Variants in RGS8 observed in about 807,000 individuals in gnomAD.
RGS8 encodes the protein regulator of G-protein signaling 8.
In RGS8, 8 loss-of-function variants were observed where a neutral mutation model predicts 21.7. The ratio of observed to expected loss-of-function variants is 0.37; its 90% CI spans 0.22 to 0.66. The LOEUF is 0.66. Among genes scored for constraint, RGS8 ranks in the 30% least tolerant of loss-of-function variants. The pLI is 0.59. For missense variants in RGS8, 157 were observed against 217.9 expected (o/e 0.72, Z 1.76); for synonymous variants, 80 against 83.6 (o/e 0.96, Z 0.24).
At chr1:182,714,278 G>A in the RGS8 span, 1 of 152,040 alleles carries the variant, frequency 6.6e-6, no homozygotes, top group African/African-American at 2.4e-5. Flanking sequence ...AAATATATTT[G>A]TGTATTTATG....
chr1:182,675,546 TCCTG>T (rs948119435), upstream of RGS8, among the ~76,000 whole-genome samples: 6 of 152,198 alleles, frequency 3.9e-5, no homozygotes, highest in Non-Finnish European at 8.8e-5. Flanking sequence ...CACCTCCTTG[TCCTG>T]CCTGACAATG....
At chr1:182,703,308 T>G in the RGS8 span, among the ~76,000 whole-genome samples, 9 of 152,162 alleles carry the variant, frequency 5.9e-5, no homozygotes, top group Admixed American at 5.9e-4. Context: ...CTGGGAAAAT[T>G]GTGTTATCTC....
the RGS8 span, among the ~76,000 whole-genome samples, chr1:182,716,126 G>GTT: frequency 1.4e-5 from 2 of 146,174 alleles, no homozygotes; most frequent in African/African-American, 2.5e-5. Flanking sequence ...CTGTTTTTTG[G>GTT]TTTTTTTTTT....
At chr1:182,719,168 G>C in the RGS8 span, among the ~76,000 whole-genome samples, 1 of 152,178 alleles carries the variant, frequency 6.6e-6, no homozygotes, top group African/African-American at 2.4e-5. Flanking sequence ...TATGCACAAA[G>C]GCCAGGAGTT....
the RGS8 span, among the ~76,000 whole-genome samples, chr1:182,715,863 G>A: frequency 6.6e-6 from 1 of 152,156 alleles, no homozygotes; most frequent in Non-Finnish European, 1.5e-5. Flanking sequence ...AATGTATTGA[G>A]AGCTTTGTAT....
intron 5 of RGS8, among the ~76,000 whole-genome samples, chr1:182,650,614 C>T (rs1662962256): frequency 6.6e-6 from 1 of 152,150 alleles, no homozygotes; most frequent in South Asian, 2.1e-4. Context: ...GTAGTCTCAA[C>T]ATTTGGGAGG....
At chr1:182,699,649 T>C in the RGS8 span, among the ~76,000 whole-genome samples, 3 of 152,196 alleles carry the variant, frequency 2.0e-5, no homozygotes, top group East Asian at 1.9e-4. Flanking sequence ...GCTTCGTTGC[T>C]GCAGGGACCT....
the RGS8 span, among the ~76,000 whole-genome samples, chr1:182,747,767 T>C: frequency 6.6e-6 from 1 of 151,330 alleles, no homozygotes; most frequent in African/African-American, 2.4e-5. Flanking sequence ...CCCAGAACTT[T>C]GGGAGGCTGA....
chr1:182,707,069 G>A, the RGS8 span, among the ~76,000 whole-genome samples: 2 of 152,044 alleles, frequency 1.3e-5, no homozygotes, highest in Non-Finnish European at 2.9e-5. Flanking sequence ...TGAGGCAGGA[G>A]AATAGCTTGA....
chr1:182,673,059 T>C, upstream of RGS8: 1 of 584,422 alleles, frequency 1.7e-6, no homozygotes, highest in Non-Finnish European at 3.1e-6. Context: ...ACCGCTGCCC[T>C]GGGAGAAAGC....
upstream of RGS8, among the ~76,000 whole-genome samples, chr1:182,688,597 G>A (rs1403848345): frequency 6.6e-6 from 1 of 152,140 alleles, no homozygotes; most frequent in African/African-American, 2.4e-5. Context: ...TATTATCCTG[G>A]GTTATCTAGG....
chr1:182,718,009 C>T, the RGS8 span, among the ~76,000 whole-genome samples: 1 of 152,150 alleles, frequency 6.6e-6, no homozygotes, highest in Non-Finnish European at 1.5e-5. Context: ...AATGAAAGGA[C>T]TATGAAAACT....
At chr1:182,696,219 C>A in the RGS8 span, among the ~76,000 whole-genome samples, 3 of 152,286 alleles carry the variant, frequency 2.0e-5, no homozygotes, top group Non-Finnish European at 4.4e-5. Flanking sequence ...TTTAGACATC[C>A]CAAAGCCATT....
intron 5 of RGS8, among the ~76,000 whole-genome samples, chr1:182,654,450 A>C (rs1204869139): frequency 6.6e-6 from 1 of 152,244 alleles, no homozygotes; most frequent in African/African-American, 2.4e-5. Flanking sequence ...AAACAGCCTT[A>C]ATCTTTGTTA....
the RGS8 span, among the ~76,000 whole-genome samples, chr1:182,711,588 G>A: frequency 1.3e-5 from 2 of 152,316 alleles, no homozygotes; most frequent in Non-Finnish European, 2.9e-5. Flanking sequence ...CAAATATTGA[G>A]ACAGATACTC....
the RGS8 span, among the ~76,000 whole-genome samples, chr1:182,708,166 C>G: frequency 6.6e-5 from 10 of 152,160 alleles, no homozygotes. Context: ...ACCCCAAACT[C>G]CTAATCAATA....
At chr1:182,686,914 G>A (rs1365128126), upstream of RGS8, among the ~76,000 whole-genome samples, 4 of 152,194 alleles carry the variant, frequency 2.6e-5, no homozygotes, top group Non-Finnish European at 5.9e-5. Context: ...GAGAGAAAGA[G>A]AGTAGGAGGA....
chr1:182,672,117 G>C (rs1477118055), upstream of RGS8: 1 of 229,020 alleles, frequency 4.4e-6, no homozygotes, highest in Non-Finnish European at 8.5e-6. Flanking sequence ...GGCTGTGCGG[G>C]GGGCAGCAAA....
At chr1:182,740,761 G>C in the RGS8 span, among the ~76,000 whole-genome samples, 30 of 150,794 alleles carry the variant, frequency 2.0e-4, no homozygotes, top group African/African-American at 6.1e-4. Context: ...TGACTCTTAA[G>C]GAGCATGCTG....
Sources: gnomAD v4.1 joint callset for allele counts (sites outside exome capture counted in the v4.1 genomes callset) on GRCh38, gnomAD v4.1.1 for gene constraint, MANE v1.5 for transcripts, NCBI Gene and HGNC (gene_info 2026-07-23, HGNC 2026-07-21) for gene names.